EVL: variants seen among roughly 807,000 people sequenced by gnomAD.
EVL encodes the protein Enah/Vasp-like.
EVL carries 21 observed loss-of-function variants against 59.6 expected under a neutral mutation model. The observed-to-expected ratio is 0.35, with a 90% confidence interval of 0.25 to 0.51. The LOEUF (loss-of-function observed/expected upper bound fraction) is 0.51. EVL is among the 20% of genes least tolerant of loss of function. EVL has a pLI of 0.97. For missense variants in EVL, 462 were observed against 546.6 expected (o/e 0.85, Z 1.54); for synonymous variants, 198 against 203.5 (o/e 0.97, Z 0.23).
chr14:100,027,493 A>C (rs879400852), intron 1 of EVL, among the ~76,000 whole-genome samples: 2 of 152,144 alleles, frequency 1.3e-5, no homozygotes, highest in Non-Finnish European at 2.9e-5. Context: ...ATTAGTGAGA[A>C]TATGTAGTAT....
chr14:99,973,690 T>G (rs1009447038), intron 1 of EVL, among the ~76,000 whole-genome samples: 1 of 152,236 alleles, frequency 6.6e-6, no homozygotes, highest in Non-Finnish European at 1.5e-5. Context: ...CTCGAACTCC[T>G]GACCTCAGGT....
upstream of EVL, chr14:100,065,339 C>T (rs755521441): frequency 2.9e-5 from 19 of 661,604 alleles, no homozygotes; most frequent in Non-Finnish European, 4.1e-5. Context: ...GGGTTTGTTT[C>T]CCCTTTGTCT....
At chr14:100,013,540 A>G (rs560244532) in intron 1 of EVL, among the ~76,000 whole-genome samples, 13 of 152,350 alleles carry the variant, frequency 8.5e-5, no homozygotes, top group Admixed American at 2.0e-4. Context: ...GTGGCTTTCC[A>G]TAGCCACTTG....
intron 2 of EVL, 156 bp downstream of exon 2, chr14:100,085,011 G>T (rs924059507): frequency 1.7e-5 from 12 of 721,882 alleles, no homozygotes; most frequent in Non-Finnish European, 2.7e-5. Flanking sequence ...TATCCTCATA[G>T]TTCAAAGTAT....
rs548654384 is a variant in EVL, at chr14:100,130,825, C to T, written c.839+1141C>T. 2.0e-5 allele frequency among the ~76,000 whole-genome samples: 3 copies of T among 152,310 alleles called. No individual in the cohort carries two copies. The highest frequency in any genetic ancestry group is 7.2e-5 in the African/African-American group (3 of 41,568). On this transcript the variant is annotated intron_variant, in intron 7 of 13. Coordinates refer to ENST00000392920, the MANE Select transcript of EVL (RefSeq NM_016337.3). The surrounding 1 kb of genome is among the most constrained non-coding windows in gnomAD (Gnocchi z 4.8). ...CAGCAAGGTGGATCCGCAGCACGGG[C>T]GTCTCCGGAGCCTCTACTGGGCCTG...
At chr14:100,070,673 T>C (rs1459440015) in intron 1 of EVL, among the ~76,000 whole-genome samples, 1 of 152,218 alleles carries the variant, frequency 6.6e-6, no homozygotes, top group Non-Finnish European at 1.5e-5. Flanking sequence ...TACTTGTGTC[T>C]TCAGGGGTGT....
chr14:100,016,843 AC>A (rs2061054986), intron 1 of EVL, among the ~76,000 whole-genome samples: 1 of 152,084 alleles, frequency 6.6e-6, no homozygotes, highest in Non-Finnish European at 1.5e-5. Context: ...CAGTTGAGGC[AC>A]TTTTTTTTAG....
intron 1 of EVL, among the ~76,000 whole-genome samples, chr14:99,991,016 A>C (rs2060872397): frequency 2.6e-5 from 4 of 152,132 alleles, no homozygotes. Flanking sequence ...GATTTTTTTC[A>C]GTAAATATGT....
chr14:100,128,420 C>A, intron 5 of EVL, 99 bp from the exon 6 acceptor site: 2 of 1,227,630 alleles, frequency 1.6e-6, no homozygotes, highest in South Asian at 1.2e-5. Flanking sequence ...TGGGGAGCAG[C>A]CTGCCCCTGT....
chr14:99,985,033 G>A (rs577838081), intron 1 of EVL, among the ~76,000 whole-genome samples: 132 of 152,150 alleles, frequency 8.7e-4, no homozygotes, highest in African/African-American at 3.2e-3. Context: ...ATATAACAAC[G>A]TTAAGTTGTT....
chr14:100,099,990 G>T (rs1595176389), intron 3 of EVL, among the ~76,000 whole-genome samples: 1 of 76,034 alleles, frequency 1.3e-5, no homozygotes, highest in Admixed American at 2.4e-4. Context: ...TGTACATGCA[G>T]ATACCTTGGG....
At chr14:100,073,071 G>T (rs2140282382) in intron 1 of EVL, among the ~76,000 whole-genome samples, 1 of 152,268 alleles carries the variant, frequency 6.6e-6, no homozygotes, top group South Asian at 2.1e-4. Context: ...TTGGGACATG[G>T]CAACGTGGGT....
intron 1 of EVL, among the ~76,000 whole-genome samples, chr14:99,994,318 C>CTTGTAGCTTTT (rs2060897968): frequency 6.6e-6 from 1 of 151,776 alleles, no homozygotes; most frequent in Non-Finnish European, 1.5e-5. Context: ...AATAGTTTTT[C>CTTGTAGCTTTT]TGTATGCCTT....
At chr14:100,138,264 G>A (rs529554366) in intron 11 of EVL, 20 of 179,052 alleles carry the variant, frequency 1.1e-4, no homozygotes, top group African/African-American at 2.8e-4. Context: ...TAGCACTGGC[G>A]CTGAGCCCTA....
chr14:100,126,885 C>T (rs944517805), intron 5 of EVL, 114 bp downstream of exon 5: 1 of 985,838 alleles, frequency 1.0e-6, no homozygotes, highest in African/African-American at 1.6e-5. Flanking sequence ...TATGGGGAGC[C>T]TAGGTCTCAA....
chr14:100,029,737 G>A (rs557683035), intron 1 of EVL, among the ~76,000 whole-genome samples: 9 of 152,254 alleles, frequency 5.9e-5, no homozygotes, highest in South Asian at 4.1e-4. Flanking sequence ...GTAGGTGTGC[G>A]GGAGCTGAGG....
At chr14:100,066,049 A>G (rs1182711464) in intron 1 of EVL, among the ~76,000 whole-genome samples, 2 of 152,122 alleles carry the variant, frequency 1.3e-5, no homozygotes, top group Non-Finnish European at 2.9e-5. Flanking sequence ...CAGTCTACAA[A>G]CCGCACTCCT....
intron 1 of EVL, among the ~76,000 whole-genome samples, chr14:99,997,526 A>G (rs1412501028): frequency 6.6e-6 from 1 of 152,252 alleles, no homozygotes; most frequent in African/African-American, 2.4e-5. Flanking sequence ...GGAAAAGATT[A>G]GGACAAGAAA....
intron 3 of EVL, among the ~76,000 whole-genome samples, chr14:100,115,429 C>T (rs1408461130): frequency 2.0e-5 from 3 of 152,236 alleles, no homozygotes; most frequent in East Asian, 1.9e-4. Flanking sequence ...AGAACTCAAG[C>T]GCTTTTCCTC....
Sources: gnomAD v4.1 joint callset for allele counts (sites outside exome capture counted in the v4.1 genomes callset) on GRCh38, gnomAD v4.1.1 for gene constraint, Gnocchi (gnomAD v3.1) non-coding constraint, MANE v1.5 for transcripts, NCBI Gene and HGNC (gene_info 2026-07-23, HGNC 2026-07-21) for gene names.